EPHA5: variants seen among roughly 807,000 people sequenced by gnomAD.
EPHA5 encodes the protein ephrin type-A receptor 5.
A neutral mutation model predicts 105.0 loss-of-function variants in EPHA5; 60 were observed. The observed-to-expected ratio is 0.57, with a 90% CI of 0.46 to 0.71. EPHA5 has a LOEUF of 0.71. EPHA5 is among the 30% of genes least tolerant of loss of function. The probability of loss-of-function intolerance (pLI) is 0.00; values close to 1 mark genes in which losing one functional copy is unlikely to be tolerated. For missense variants in EPHA5, 1,218 were observed against 1,274.7 expected, an observed-to-expected ratio of 0.96 and a Z score of 0.68; for synonymous variants, 513 against 449.1, an observed-to-expected ratio of 1.14 and a Z score of -1.80.
At chr4:65,462,568 G>A (rs1038281146) in intron 5 of EPHA5, among the ~76,000 whole-genome samples, 3 of 151,828 alleles carry the variant, frequency 2.0e-5, no homozygotes, top group Non-Finnish European at 2.9e-5. Flanking sequence ...GGGCTTCAGT[G>A]GGGGAGGCTA....
chr4:65,416,661 C>T (rs1329515514), intron 6 of EPHA5, among the ~76,000 whole-genome samples: 1 of 152,112 alleles, frequency 6.6e-6, no homozygotes, highest in Non-Finnish European at 1.5e-5. Flanking sequence ...GATCTAATAT[C>T]AATTGCAGAA....
intron 8 of EPHA5, 146 bp from the exon 9 acceptor site, chr4:65,367,570 T>A (rs1424546395): frequency 1.5e-6 from 1 of 687,776 alleles, no homozygotes; most frequent in East Asian, 2.7e-5. Context: ...ATACTAGTAG[T>A]TTGGATGAGA....
At chr4:65,385,582 G>T (rs1162313821) in intron 8 of EPHA5, among the ~76,000 whole-genome samples, 1 of 151,688 alleles carries the variant, frequency 6.6e-6, no homozygotes, top group East Asian at 1.9e-4. Flanking sequence ...TTGATCAGTA[G>T]CATTAAAATC....
At chr4:65,363,046 T>C (rs1460797286) in intron 11 of EPHA5, among the ~76,000 whole-genome samples, 1 of 151,640 alleles carries the variant, frequency 6.6e-6, no homozygotes, top group Non-Finnish European at 1.5e-5. Flanking sequence ...GTTGGTAGAC[T>C]TTGAATAAGG....
intron 1 of EPHA5, among the ~76,000 whole-genome samples, chr4:65,648,758 TA>T (rs759037370): frequency 9.2e-5 from 14 of 152,204 alleles, no homozygotes; most frequent in Non-Finnish European, 1.8e-4. Context: ...GATTCAATTA[TA>T]ACACACATTT....
intron 1 of EPHA5, among the ~76,000 whole-genome samples, chr4:65,655,403 A>G (rs1347769265): frequency 6.6e-6 from 1 of 152,134 alleles, no homozygotes; most frequent in Non-Finnish European, 1.5e-5. Flanking sequence ...TTCCCGCACA[A>G]CTACCAACCC....
chr4:65,355,156 A>G (rs1723182677), intron 11 of EPHA5, among the ~76,000 whole-genome samples: 1 of 151,624 alleles, frequency 6.6e-6, no homozygotes, highest in Non-Finnish European at 1.5e-5. Context: ...GCACATGTCT[A>G]TGCATATTGT....
rs933283117 is a variant in EPHA5 at position 65,670,063 on chromosome 4, G to T, written c.-321C>A. 2.0e-5 allele frequency: 7 copies of T among 341,504 alleles called. No homozygotes were observed. The highest frequency in any genetic ancestry group is 1.5e-4 in the African/African-American group (7 of 47,862). 21.2% of individuals were successfully genotyped at this position (341,504 alleles called of 1,614,324 possible). ...TTTGCCTTTCAAAAAGACTTTTTAC[G>T]GATTGAGAATTTTTAAATACCACTA... On this transcript the variant is annotated 5_prime_UTR_variant, in exon 1 of 17. Coordinates refer to ENST00000613740, the MANE Select transcript of EPHA5 (RefSeq NM_001281766.3).
chr4:65,506,129 C>T (rs1732996719), intron 3 of EPHA5, among the ~76,000 whole-genome samples: 1 of 152,058 alleles, frequency 6.6e-6, no homozygotes, highest in Non-Finnish European at 1.5e-5. Context: ...CAATAGTTTG[C>T]TGAGAATGAT....
chr4:65,438,940 T>G (rs1725753757), intron 5 of EPHA5, among the ~76,000 whole-genome samples: 1 of 152,124 alleles, frequency 6.6e-6, no homozygotes, highest in African/African-American at 2.4e-5. Flanking sequence ...TGAGGCAGTT[T>G]ACATTTAAAA....
chr4:65,486,577 G>A (rs1295432153), intron 5 of EPHA5, among the ~76,000 whole-genome samples: 1 of 152,084 alleles, frequency 6.6e-6, no homozygotes, highest in African/African-American at 2.4e-5. Flanking sequence ...AATCTTTGGA[G>A]GATCTCAAAA....
intron 5 of EPHA5, among the ~76,000 whole-genome samples, chr4:65,467,985 A>T (rs1013807539): frequency 6.6e-6 from 1 of 152,192 alleles, no homozygotes; most frequent in Non-Finnish European, 1.5e-5. Context: ...TAAATGAATT[A>T]TGCCCTAGAA....
At chr4:65,392,032 A>G (rs1163955638) in intron 8 of EPHA5, among the ~76,000 whole-genome samples, 1 of 152,142 alleles carries the variant, frequency 6.6e-6, no homozygotes, top group Non-Finnish European at 1.5e-5. Flanking sequence ...AGTGTTGAGC[A>G]ATTGAGCCAG....
At chr4:65,406,590 A>T (rs1722379552) in intron 7 of EPHA5, among the ~76,000 whole-genome samples, 2 of 151,772 alleles carry the variant, frequency 1.3e-5, no homozygotes, top group Admixed American at 1.3e-4. Context: ...TTCTTTCTGT[A>T]TTTTTGTTTT....
intron 2 of EPHA5, among the ~76,000 whole-genome samples, chr4:65,623,745 C>T (rs1578612355): frequency 6.6e-6 from 1 of 152,028 alleles, no homozygotes; most frequent in Non-Finnish European, 1.5e-5. Flanking sequence ...ATAATGGTAA[C>T]AGATTGTATC....
intron 3 of EPHA5, among the ~76,000 whole-genome samples, chr4:65,584,642 A>C (rs995669599): frequency 6.6e-6 from 1 of 151,966 alleles, no homozygotes; most frequent in Non-Finnish European, 1.5e-5. Context: ...ACACATTTTA[A>C]ATGACAATGT....
chr4:65,352,988 A>T, intron 12 of EPHA5, 54 bp downstream of exon 12: 2 of 1,243,864 alleles, frequency 1.6e-6, no homozygotes, highest in Non-Finnish European at 1.1e-6. Context: ...TCACAGCACA[A>T]CATCACAATA....
At chr4:65,523,653 C>A (rs2149286158) in intron 3 of EPHA5, among the ~76,000 whole-genome samples, 1 of 151,994 alleles carries the variant, frequency 6.6e-6, no homozygotes, top group South Asian at 2.1e-4. Flanking sequence ...TATCAGAAAC[C>A]AGGAACTATC....
intron 3 of EPHA5, among the ~76,000 whole-genome samples, chr4:65,496,687 C>T (rs1731977118): frequency 6.6e-6 from 1 of 152,012 alleles, no homozygotes; most frequent in Non-Finnish European, 1.5e-5. Context: ...CCGCAATAAA[C>T]ATACGTGTGC....
Sources: allele counts gnomAD v4.1 joint callset (sites outside exome capture counted in the v4.1 genomes callset), GRCh38; gene constraint gnomAD v4.1.1; transcripts MANE v1.5; gene names NCBI Gene and HGNC (gene_info 2026-07-23, HGNC 2026-07-21).